Variants in MGAT4C observed in about 807,000 individuals in gnomAD.
The protein encoded by MGAT4C is alpha-1,3-mannosyl-glycoprotein 4-beta-N-acetylglucosaminyltransferase C.
MGAT4C carries 19 observed loss-of-function variants against 40.1 expected under a neutral mutation model. The ratio of observed to expected loss-of-function variants is 0.47; its 90% confidence interval spans 0.33 to 0.70. MGAT4C has a LOEUF of 0.70. MGAT4C is among the 30% of genes least tolerant of loss of function. MGAT4C has a pLI of 0.02. For synonymous variants in MGAT4C, 181 were observed against 187.1 expected (o/e 0.97, Z 0.27); for missense variants, 491 against 563.2 (o/e 0.87, Z 1.30).
intron 4 of MGAT4C, among the ~76,000 whole-genome samples, chr12:86,320,153 C>A (rs1185644660): frequency 1.3e-5 from 2 of 152,026 alleles, no homozygotes; most frequent in Non-Finnish European, 2.9e-5. Context: ...TCTTGTATTT[C>A]TTTTTTTACT....
chr12:86,134,503 G>GT (rs1440085514), intron 1 of MGAT4C, among the ~76,000 whole-genome samples: 2 of 152,020 alleles, frequency 1.3e-5, no homozygotes, highest in Non-Finnish European at 1.5e-5. Context: ...TCATCCACCA[G>GT]TTTTTAATTT....
chr12:86,044,068 G>GC (rs1270038857), intron 2 of MGAT4C, among the ~76,000 whole-genome samples: 1 of 152,152 alleles, frequency 6.6e-6, no homozygotes, highest in Non-Finnish European at 1.5e-5. Context: ...CTTCTTTGTT[G>GC]CCCTTAAGGG....
At chr12:86,359,162 G>C (rs972139446) in intron 3 of MGAT4C, among the ~76,000 whole-genome samples, 1 of 152,132 alleles carries the variant, frequency 6.6e-6, no homozygotes, top group Non-Finnish European at 1.5e-5. Flanking sequence ...TAGAACTCAG[G>C]ATCAAGAAAC....
At chr12:86,464,086 T>A (rs1957641819) in intron 2 of MGAT4C, among the ~76,000 whole-genome samples, 1 of 152,130 alleles carries the variant, frequency 6.6e-6, no homozygotes, top group Non-Finnish European at 1.5e-5. Context: ...TAAACCAATC[T>A]AGTTTCTTCA....
intron 1 of MGAT4C, among the ~76,000 whole-genome samples, chr12:86,141,179 C>A (rs1008913424): frequency 2.0e-5 from 3 of 152,128 alleles, no homozygotes; most frequent in Admixed American, 6.5e-5. Flanking sequence ...GAGATAAATA[C>A]TTCTTTTTGA....
intron 3 of MGAT4C, among the ~76,000 whole-genome samples, chr12:86,387,503 TTA>T (rs1428957832): frequency 2.0e-5 from 3 of 152,132 alleles, no homozygotes; most frequent in African/African-American, 7.2e-5. Context: ...CTTGGATTAT[TTA>T]TATGTTTGCA....
intron 3 of MGAT4C, among the ~76,000 whole-genome samples, chr12:86,334,451 A>G (rs1954740911): frequency 6.6e-6 from 1 of 152,162 alleles, no homozygotes; most frequent in South Asian, 2.1e-4. Flanking sequence ...ATGATGCTGG[A>G]AAGAAAAAGA....
chr12:86,709,178 G>A (rs922922895), intron 2 of MGAT4C, among the ~76,000 whole-genome samples: 4 of 152,070 alleles, frequency 2.6e-5, no homozygotes, highest in Admixed American at 1.3e-4. Flanking sequence ...TAAGTCTCAC[G>A]AGATCTGATG....
intron 2 of MGAT4C, among the ~76,000 whole-genome samples, chr12:86,459,326 G>A (rs1957557372): frequency 2.0e-5 from 3 of 152,030 alleles, no homozygotes; most frequent in African/African-American, 2.4e-5. Context: ...CCCATGATAA[G>A]GTTCAAATCA....
intron 1 of MGAT4C, among the ~76,000 whole-genome samples, chr12:86,834,262 T>A: frequency 6.6e-6 from 1 of 151,722 alleles, no homozygotes; most frequent in African/African-American, 2.4e-5. Flanking sequence ...GAGGGAAAAA[T>A]GCCTCAGGGA....
At chr12:86,549,456 G>A (rs998616215) in intron 2 of MGAT4C, among the ~76,000 whole-genome samples, 5 of 152,086 alleles carry the variant, frequency 3.3e-5, no homozygotes, top group African/African-American at 1.2e-4. Context: ...CTTACAGTTG[G>A]AAATATAATG....
At chr12:86,067,007 A>C (rs1215085514) in intron 1 of MGAT4C, among the ~76,000 whole-genome samples, 3 of 152,078 alleles carry the variant, frequency 2.0e-5, no homozygotes, top group Non-Finnish European at 4.4e-5. Context: ...ACCACAATGA[A>C]ATACCATCTC....
At chr12:86,065,824 C>A (rs970106220) in intron 1 of MGAT4C, among the ~76,000 whole-genome samples, 1 of 152,126 alleles carries the variant, frequency 6.6e-6, no homozygotes, top group Non-Finnish European at 1.5e-5. Context: ...AGTCTCAGCC[C>A]AAAATCTCCT....
In MGAT4C at chr12:85,969,696, A is replaced by G. The variant is rs1883528287; in HGVS notation, c.*9593T>C. ...TCTTAGACAAATGGGTTTTCAATAA[A>G]TTATTATTATAGTTAGGAGGCAATG... On this transcript the variant is annotated 3_prime_UTR_variant, in exon 5 of 5. Coordinates refer to ENST00000611864, the MANE Select transcript of MGAT4C (RefSeq NM_001351288.2). 1 of 151,704 alleles carries G rather than the reference A, an allele frequency of 6.6e-6. No individual in the cohort carries two copies. Among genetic ancestry groups the G allele is most frequent in the Non-Finnish European group, 1.5e-5 (1 of 67,578 alleles). The allele number at this position is 151,704 out of a possible 1,614,324, so 9.4% of individuals were successfully genotyped here.
chr12:86,749,400 A>C (rs1441308025), intron 1 of MGAT4C, among the ~76,000 whole-genome samples: 2 of 151,746 alleles, frequency 1.3e-5, no homozygotes, highest in Admixed American at 6.6e-5. Context: ...TGTCTAATGT[A>C]AACCCTATAC....
intron 4 of MGAT4C, among the ~76,000 whole-genome samples, chr12:86,269,013 C>CATAT (rs60328579): frequency 1.6e-3 from 116 of 74,646 alleles, no homozygotes; most frequent in Non-Finnish European, 2.0e-3. Flanking sequence ...TTCATACTTA[C>CATAT]ATATATATAT....
At chr12:85,992,824 C>A (rs1886110593) in intron 2 of MGAT4C, among the ~76,000 whole-genome samples, 4 of 152,194 alleles carry the variant, frequency 2.6e-5, no homozygotes, top group Admixed American at 2.6e-4. Flanking sequence ...CCTTGCAGGG[C>A]AATTCGGACC....
chr12:86,808,246 G>C (rs1952401543), intron 1 of MGAT4C, among the ~76,000 whole-genome samples: 1 of 152,046 alleles, frequency 6.6e-6, no homozygotes, highest in Non-Finnish European at 1.5e-5. Context: ...CCAAGCAATT[G>C]AAAGGAGAGA....
intron 1 of MGAT4C, among the ~76,000 whole-genome samples, chr12:86,760,084 C>A (rs879848800): frequency 5.9e-5 from 9 of 152,058 alleles, no homozygotes; most frequent in Admixed American, 3.3e-4. Context: ...GATACATAGA[C>A]TAGGAGTAAT....
Sources: allele counts gnomAD v4.1 joint callset (sites outside exome capture counted in the v4.1 genomes callset), GRCh38; gene constraint gnomAD v4.1.1; transcripts MANE v1.5; gene names NCBI Gene and HGNC (gene_info 2026-07-23, HGNC 2026-07-21).